Variants in CLEC17A observed in about 807,000 individuals in gnomAD.
The protein encoded by CLEC17A is C-type lectin domain family 17, member A.
In CLEC17A, 37 loss-of-function variants were observed where a neutral mutation model predicts 61.3. The ratio of observed to expected loss-of-function variants is 0.60; its 90% CI spans 0.46 to 0.79. CLEC17A has a LOEUF of 0.79. Among genes scored for constraint, CLEC17A ranks in the 30% least tolerant of loss-of-function variants. The pLI is 0.00. For missense variants in CLEC17A, 418 were observed against 464.7 expected (o/e 0.90, Z 0.92); for synonymous variants, 168 against 164.9 (o/e 1.02, Z -0.14).
chr19:14,607,209 CT>C (rs796728273), intron 13 of CLEC17A, 107 bp downstream of exon 13: 27,190 of 294,036 alleles, frequency 0.092, no homozygotes, highest in East Asian at 0.15. Context: ...GGAGCTGTTT[CT>C]TTTTTTTTTT....
intron 10 of CLEC17A, among the ~76,000 whole-genome samples, chr19:14,597,453 C>T (rs550394344): frequency 6.6e-6 from 1 of 152,278 alleles, no homozygotes; most frequent in East Asian, 1.9e-4. Flanking sequence ...GTATGAAATA[C>T]ACACTGGTCC....
At chr19:14,594,992 C>A (rs1026513876) in intron 7 of CLEC17A, among the ~76,000 whole-genome samples, 192 bp downstream of exon 7, 1 of 152,174 alleles carries the variant, frequency 6.6e-6, no homozygotes, top group African/African-American at 2.4e-5. Context: ...CTGCTTCAGC[C>A]TCCTGAGTAG....
chr19:14,604,492 C>T (rs1324627859), intron 12 of CLEC17A, among the ~76,000 whole-genome samples: 1 of 152,138 alleles, frequency 6.6e-6, no homozygotes, highest in Non-Finnish European at 1.5e-5. Flanking sequence ...CGGCCGGCTG[C>T]AGTGGCTCGA....
At chr19:14,609,667 G>A (rs1008800065) in intron 13 of CLEC17A, among the ~76,000 whole-genome samples, 36 of 151,692 alleles carry the variant, frequency 2.4e-4, no homozygotes, top group African/African-American at 7.0e-4. Context: ...GTGAAACCCC[G>A]TCTCTACTAA....
intron 12 of CLEC17A, among the ~76,000 whole-genome samples, chr19:14,600,735 C>T (rs577484860): frequency 3.8e-4 from 58 of 151,230 alleles, no homozygotes; most frequent in Non-Finnish European, 7.2e-4. Context: ...GTGCCCACCA[C>T]CACGCCCGGC....
rs988095549 is a variant in CLEC17A, at chr19:14,600,181, A to G, written c.893A>G (p.His298Arg). 6.2e-7 allele frequency: 1 copy of G among 1,613,918 alleles called. No individual in the cohort carries two copies. The highest frequency in any genetic ancestry group is 1.3e-5 in the African/African-American group (1 of 75,064). Reference sequence around the variant, plus strand: ...GTCATCATCAATAGCTTTGCTGAGCACGTGAGTTCTTCCCACTGAACCTTT... The same window carrying G: ...GTCATCATCAATAGCTTTGCTGAGCGCGTGAGTTCTTCCCACTGAACCTTT... Reference protein sequence around the residue: ...HLVIINSFAEHNFVAKAHGSP... With the variant: ...HLVIINSFAERNFVAKAHGSP... Residue 298 changes from histidine (H) to arginine (R), a missense_variant and splice_region_variant, in exon 12 of 14, where the codon CAC becomes CGC. By Grantham distance (29) the His-to-Arg change is conservative (BLOSUM62 0). Coordinates refer to ENST00000417570, the MANE Select transcript of CLEC17A (RefSeq NM_001204118.2).
intron 12 of CLEC17A, among the ~76,000 whole-genome samples, chr19:14,602,741 G>T (rs942138276): frequency 6.9e-6 from 1 of 145,164 alleles, no homozygotes; most frequent in African/African-American, 2.5e-5. Flanking sequence ...TAGTTAAACA[G>T]TTTTTTTTTT....
At position 14,599,609 on chromosome 19, in the gene CLEC17A, CAG is replaced by C. The variant is rs1295540613; in HGVS notation, c.647-107_647-106del. On this transcript the variant is annotated intron_variant, in intron 10 of 13. Transcript: ENST00000417570. ...AGCGTGACCCACTGGAATGTGGACA[CAG>C]TGGGGAACACAACCCTTGCTTCTCT... 7.6e-6 allele frequency: 6 copies of C among 789,260 alleles called. No individual in the cohort carries two copies. The African/African-American group carries it at 1.0e-4, about 13-fold the overall frequency. The allele number at this position is 789,260 out of a possible 1,614,324, so 48.9% of individuals were successfully genotyped here.
chr19:14,594,007 G>T lies in CLEC17A; in HGVS notation c.278-510G>T, dbSNP rs183708612. On this transcript the variant is annotated intron_variant, in intron 4 of 13. Coordinates refer to ENST00000417570, the MANE Select transcript of CLEC17A (RefSeq NM_001204118.2). ...AACAAACAAACAAAAACATGGCCGG[G>T]CACGGTGGCTCAGCCCTGTAATCCC... is the stretch of plus-strand genomic sequence containing the variant. Among the ~76,000 whole-genome samples, 20 of 149,738 alleles carry T rather than the reference G, an allele frequency of 1.3e-4. No homozygotes were observed. The East Asian group carries it at 3.8e-3, about 29-fold the overall frequency.
chr19:14,587,987 G>C (rs1340696770), intron 3 of CLEC17A, among the ~76,000 whole-genome samples: 2 of 152,090 alleles, frequency 1.3e-5, no homozygotes, highest in Non-Finnish European at 2.9e-5. Context: ...GGGATGAGTA[G>C]ACATTTCTTA....
At chr19:14,600,891 CTTTTTTTTT>C (rs71166763) in intron 12 of CLEC17A, among the ~76,000 whole-genome samples, 2 of 63,184 alleles carry the variant, frequency 3.2e-5, no homozygotes, top group Non-Finnish European at 5.9e-5. Flanking sequence ...GCTCGGCCTT[CTTTTTTTTT>C]TTTTTTTTTT....
At chr19:14,599,079 C>CT (rs796835309) in intron 10 of CLEC17A, among the ~76,000 whole-genome samples, 1,573 of 56,928 alleles carry the variant, frequency 0.028, 511 homozygotes, top group African/African-American at 0.11. Context: ...TGTATCTTTG[C>CT]TTTTTTTTTT....
chr19:14,590,266 C>T lies in CLEC17A; in HGVS notation c.200-2015C>T, dbSNP rs1291330673. Among the ~76,000 whole-genome samples the T allele has an allele frequency of 3.3e-5, 5 of 152,120 alleles. No homozygotes were observed. In the East Asian group the frequency reaches 9.6e-4, roughly 29 times the overall value. On this transcript the variant is annotated intron_variant, in intron 3 of 13. Coordinates refer to ENST00000417570, the MANE Select transcript of CLEC17A (RefSeq NM_001204118.2). ...CAAATGTTACCACTTCCAGGAGGCA[C>T]TTCCTGATGACCTCGCTACATTAGC... is the stretch of plus-strand genomic sequence containing the variant.
chr19:14,607,498 C>T (rs533520026), intron 13 of CLEC17A, among the ~76,000 whole-genome samples: 26 of 151,622 alleles, frequency 1.7e-4, no homozygotes, highest in African/African-American at 6.0e-4. Context: ...CCACCGCGCC[C>T]GGCCAGGAGC....
chr19:14,605,339 A>G (rs1176375055), intron 12 of CLEC17A, among the ~76,000 whole-genome samples: 1 of 150,094 alleles, frequency 6.7e-6, no homozygotes, highest in Non-Finnish European at 1.5e-5. Flanking sequence ...CAGGTGATCC[A>G]CCTGTGTTGG....
At chr19:14,599,376 C>G (rs1006576424) in intron 10 of CLEC17A, among the ~76,000 whole-genome samples, 1 of 152,252 alleles carries the variant, frequency 6.6e-6, no homozygotes. Context: ...GTGTGAGCCA[C>G]CATGGGCAGC....
chr19:14,597,191 A>C (rs1212100624), intron 10 of CLEC17A, 30 bp downstream of exon 10: 2 of 1,578,448 alleles, frequency 1.3e-6, no homozygotes, highest in Admixed American at 3.6e-5. Flanking sequence ...CCTTCATGCC[A>C]CTCCTATTGA....
At chr19:14,589,395 G>T (rs2074362500) in intron 3 of CLEC17A, among the ~76,000 whole-genome samples, 1 of 134,368 alleles carries the variant, frequency 7.4e-6, no homozygotes, top group Non-Finnish European at 1.5e-5. Flanking sequence ...ACTGTGAATT[G>T]TCTGCTCATT....
intron 10 of CLEC17A, 28 bp downstream of exon 10, chr19:14,597,189 C>G: frequency 6.3e-7 from 1 of 1,583,004 alleles, no homozygotes; most frequent in Non-Finnish European, 8.6e-7. Context: ...TTCCTTCATG[C>G]CACTCCTATT....
Sources: allele counts gnomAD v4.1 joint callset (sites outside exome capture counted in the v4.1 genomes callset), GRCh38; gene constraint gnomAD v4.1.1; transcripts MANE v1.5; gene names NCBI Gene and HGNC (gene_info 2026-07-23, HGNC 2026-07-21).